The following GNA12 variants were observed in gnomAD, a reference collection of about 807,000 sequenced individuals.
The protein encoded by GNA12 is guanine nucleotide-binding protein subunit alpha-12.
In GNA12, 9 loss-of-function variants were observed where a neutral mutation model predicts 26.0. The observed-to-expected ratio is 0.35, with a 90% CI of 0.21 to 0.60. The LOEUF is 0.60. Among genes scored for constraint, GNA12 ranks in the 20% least tolerant of loss-of-function variants. GNA12 has a pLI of 0.78. For synonymous variants in GNA12, 264 were observed against 219.6 expected, an observed-to-expected ratio of 1.20 and a Z score of -1.79; for missense variants, 405 against 525.8, an observed-to-expected ratio of 0.77 and a Z score of 2.25.
intron 1 of GNA12, among the ~76,000 whole-genome samples, chr7:2,808,967 T>G (rs544411825): frequency 5.3e-5 from 8 of 152,176 alleles, no homozygotes; most frequent in Non-Finnish European, 8.8e-5. Flanking sequence ...TTGCCCCGGA[T>G]AGCCGCACGG....
At chr7:2,762,761 G>A (rs1483114792) in intron 2 of GNA12, 4 of 1,549,610 alleles carry the variant, frequency 2.6e-6, no homozygotes, top group Non-Finnish European at 3.5e-6. Context: ...CACCAGGCCC[G>A]TCCTTTCCAC....
intron 2 of GNA12, among the ~76,000 whole-genome samples, chr7:2,791,375 C>A (rs1792514153): frequency 6.6e-6 from 1 of 152,228 alleles, no homozygotes; most frequent in Non-Finnish European, 1.5e-5. Flanking sequence ...GGCGGCCAGG[C>A]TGCCTCCCCT....
intron 1 of GNA12, among the ~76,000 whole-genome samples, chr7:2,827,131 A>G (rs1368881414): frequency 6.6e-6 from 1 of 152,254 alleles, no homozygotes; most frequent in Admixed American, 6.5e-5. Flanking sequence ...GAAGCCAGAC[A>G]CAAAAGGTCA....
intron 2 of GNA12, among the ~76,000 whole-genome samples, chr7:2,793,498 AT>A (rs1182178399): frequency 6.6e-6 from 1 of 152,188 alleles, no homozygotes; most frequent in Non-Finnish European, 1.5e-5. Context: ...ATATAAGGAA[AT>A]TGAACTGAGG....
At chr7:2,758,429 T>TCTCA (rs1791402853) in intron 2 of GNA12, among the ~76,000 whole-genome samples, 4 of 152,192 alleles carry the variant, frequency 2.6e-5, no homozygotes, top group Non-Finnish European at 5.9e-5. Context: ...CAGTTTCATG[T>TCTCA]GTTCTGTGCT....
intron 2 of GNA12, among the ~76,000 whole-genome samples, chr7:2,747,230 T>G (rs1790810874): frequency 6.6e-6 from 1 of 152,206 alleles, no homozygotes; most frequent in Non-Finnish European, 1.5e-5. Context: ...AAGAGAATTT[T>G]AGACCAATAT....
intron 1 of GNA12, among the ~76,000 whole-genome samples, chr7:2,802,867 G>T (rs554367173): frequency 6.6e-6 from 1 of 152,214 alleles, no homozygotes; most frequent in Admixed American, 6.5e-5. Context: ...AAAGGTCAGC[G>T]AGAAACTGAC....
chr7:2,833,887 C>T (rs544335171), intron 1 of GNA12, among the ~76,000 whole-genome samples: 4 of 152,202 alleles, frequency 2.6e-5, no homozygotes, highest in South Asian at 2.1e-4. Context: ...AAGTTCCGTA[C>T]GTCCTGGCAA....
At chr7:2,789,542 G>C (rs1792464585) in intron 2 of GNA12, among the ~76,000 whole-genome samples, 1 of 152,180 alleles carries the variant, frequency 6.6e-6, no homozygotes, top group African/African-American at 2.4e-5. Flanking sequence ...CTCCCCATAG[G>C]TGAGTTCAAA....
Position 2,730,769 on chromosome 7 carries a change from G to C in GNA12, c.*412C>G, listed in dbSNP as rs1019734462. ...TGTCTCAGGGAAGACTTGTGAGTTA[G>C]AAAAGCCGTCTGCAAGGCCAGCTGG... On this transcript the variant is annotated 3_prime_UTR_variant, in exon 4 of 4. Transcript: ENST00000275364. 1 of 168,066 alleles carries C rather than the reference G, an allele frequency of 6.0e-6. No individual in the cohort carries two copies. Among genetic ancestry groups the C allele is most frequent in the Non-Finnish European group, 1.3e-5 (1 of 77,266 alleles). The allele number at this position is 168,066 out of a possible 1,614,324, so 10.4% of individuals were successfully genotyped here. A position where few individuals can be genotyped will look rare whatever the true frequency, so the allele number is the denominator to read the frequency against.
In GNA12 at chr7:2,773,857, G is replaced by A. The variant is rs138712222; in HGVS notation, c.525+21071C>T. On this transcript the variant is annotated intron_variant, in intron 2 of 3. Transcript: ENST00000275364. ...ATTTTTGTAATGACGCTGAGCTGGC[G>A]TCTACCCGGACGCCCATCACCAGGA... is the stretch of plus-strand genomic sequence containing the variant. 1.4e-4 allele frequency among the ~76,000 whole-genome samples: 21 copies of A among 152,294 alleles called. 1 individual carries two copies. The East Asian group carries it at 2.7e-3, about 20-fold the overall frequency.
intron 2 of GNA12, among the ~76,000 whole-genome samples, chr7:2,744,804 C>G (rs1399439293): frequency 6.6e-6 from 1 of 152,034 alleles, no homozygotes; most frequent in Non-Finnish European, 1.5e-5. Context: ...CTAGAATAAC[C>G]AATGCAGAGA....
At chr7:2,826,782 G>T (rs1793494292) in intron 1 of GNA12, among the ~76,000 whole-genome samples, 1 of 152,160 alleles carries the variant, frequency 6.6e-6, no homozygotes, top group Non-Finnish European at 1.5e-5. Flanking sequence ...GGGGTTGAGG[G>T]GAGACAGGGA....
chr7:2,729,599 G>C lies in GNA12; in HGVS notation c.*1582C>G, dbSNP rs1789784002. On this transcript the variant is annotated 3_prime_UTR_variant, in exon 4 of 4. Transcript: ENST00000275364. ...TTCTGCTTCTGCATCTGCCCCAAGG[G>C]CTTGCGTTTACCGGGTTTGCGGAAA... is the stretch of plus-strand genomic sequence containing the variant. 6.6e-6 allele frequency: 1 copy of C among 152,334 alleles called. No homozygotes were observed. The highest frequency in any genetic ancestry group is 2.4e-5 in the African/African-American group (1 of 41,440). The allele number at this position is 152,334 out of a possible 1,614,324, so 9.4% of individuals were successfully genotyped here. A position where few individuals can be genotyped will look rare whatever the true frequency, so the allele number is the denominator to read the frequency against.
In GNA12 at chr7:2,730,080, T is replaced by G. The variant is rs1789811924; in HGVS notation, c.*1101A>C. 6.6e-6 allele frequency: 1 copy of G among 152,380 alleles called. No individual in the cohort carries two copies. The highest frequency in any genetic ancestry group is 6.5e-5 in the Admixed American group (1 of 15,294). The allele number at this position is 152,380 out of a possible 1,614,324, so 9.4% of individuals were successfully genotyped here. On this transcript the variant is annotated 3_prime_UTR_variant, in exon 4 of 4. Coordinates refer to ENST00000275364, the MANE Select transcript of GNA12 (RefSeq NM_007353.3). ...CAAAGGCACTGGTGGAGCGGCAGTT[T>G]GGAGAAACTCAAGATTCCTCCAGCG...
At chr7:2,786,157 A>T (rs1792356208) in intron 2 of GNA12, among the ~76,000 whole-genome samples, 1 of 152,180 alleles carries the variant, frequency 6.6e-6, no homozygotes, top group Non-Finnish European at 1.5e-5. Context: ...CATGTAATAC[A>T]GTGACACAGT....
Position 2,731,696 on chromosome 7 carries a change from T to C in GNA12, c.631A>G (p.Ile211Val). 6.3e-7 allele frequency: 1 copy of C among 1,596,384 alleles called. No homozygotes were observed. Among genetic ancestry groups the C allele is most frequent in the Non-Finnish European group, 8.6e-7 (1 of 1,169,040 alleles). ...ILLARKATKG[I>V]VEHDFVIKKI... is the part of the protein sequence containing the mutation. ...TTAATAACGAAGTCATGCTCCACAA[T>C]TCCCTTGGTGGCTTTCCTAGCCAGC... is the stretch of plus-strand genomic sequence containing the variant. Residue 211 changes from isoleucine (I) to valine (V), a missense_variant, in exon 4 of 4, where the codon ATT becomes GTT. Transcript: ENST00000275364. The surrounding 1 kb of genome is among the most constrained non-coding windows in gnomAD (Gnocchi z 6.0).
chr7:2,833,810 A>T (rs1373217682), intron 1 of GNA12, among the ~76,000 whole-genome samples: 1 of 152,128 alleles, frequency 6.6e-6, no homozygotes, highest in African/African-American at 2.4e-5. Context: ...ATCAAGCCTA[A>T]AGAGGCACTT....
intron 2 of GNA12, among the ~76,000 whole-genome samples, chr7:2,784,944 T>C (rs139274151): frequency 1.2e-3 from 176 of 152,322 alleles, no homozygotes; most frequent in African/African-American, 4.0e-3. Context: ...ATTAACTCTA[T>C]TACATCACAC....
Sources: gnomAD v4.1 joint callset for allele counts (sites outside exome capture counted in the v4.1 genomes callset) on GRCh38, gnomAD v4.1.1 for gene constraint, Gnocchi (gnomAD v3.1) non-coding constraint, MANE v1.5 for transcripts, NCBI Gene and HGNC (gene_info 2026-07-23, HGNC 2026-07-21) for gene names.